Variants in THRB observed in about 807,000 individuals in gnomAD.
THRB encodes thyroid hormone receptor beta, also known as nuclear receptor subfamily 1 group A member 2.
Under a neutral mutation model 47.8 loss-of-function variants are expected in THRB, and 12 were observed. The ratio of observed to expected loss-of-function variants is 0.25; its 90% CI spans 0.16 to 0.41. The LOEUF is 0.41. THRB is among the 10% of genes least tolerant of loss of function. THRB has a pLI of 1.00. For synonymous variants in THRB, 218 were observed against 212.2 expected (o/e 1.03, Z -0.24); for missense variants, 348 against 589.2 (o/e 0.59, Z 4.24).
At position 24,365,107 on chromosome 3, in the gene THRB, A is replaced by T. The variant is rs114752436; in HGVS notation, c.-260-27736T>A. On this transcript the variant is annotated intron_variant, in intron 1 of 10. Transcript: ENST00000646209. ...CATATTTCTAAACCCTGTGTTTATAAGAAAAATCATTTACCTGCCACATGT... is the reference window on the plus strand; with the variant it reads ...CATATTTCTAAACCCTGTGTTTATATGAAAAATCATTTACCTGCCACATGT... Among the ~76,000 whole-genome samples, 900 of 152,320 alleles carry T rather than the reference A, an allele frequency of 5.9e-3. 4 individuals carry two copies. The highest frequency in any genetic ancestry group is 9.7e-3 in the Non-Finnish European group (663 of 68,024).
At chr3:24,283,286 A>C (rs1263881425) in intron 3 of THRB, among the ~76,000 whole-genome samples, 1 of 152,256 alleles carries the variant, frequency 6.6e-6, no homozygotes, top group Non-Finnish European at 1.5e-5. Flanking sequence ...AATATATGCA[A>C]ATCAATAAAC....
rs537854963 is a variant in THRB at position 24,303,577 on chromosome 3, CCT to C, written c.-188-6208_-188-6207del. ...GTGCAAGCAGGCCCAGCTGAGATCC[CCT>C]GATTCCCACTGTGAGCTACACATGT... On this transcript the variant is annotated intron_variant, in intron 2 of 10. Transcript: ENST00000646209. Among the ~76,000 whole-genome samples, 176 of 152,202 alleles carry C rather than the reference CCT, an allele frequency of 1.2e-3. 1 individual carries two copies. Among genetic ancestry groups the C allele is most frequent in the African/African-American group, 4.2e-3 (173 of 41,522 alleles).
chr3:24,162,072 G>T (rs879848378), intron 5 of THRB, among the ~76,000 whole-genome samples: 4 of 152,046 alleles, frequency 2.6e-5, no homozygotes, highest in Non-Finnish European at 5.9e-5. Context: ...CTGCAAAGCT[G>T]CCTTCAGAGC....
chr3:24,299,794 T>TTTTTTTTTTTTTTTTTTTTTTTTG lies in THRB; in HGVS notation c.-188-2424_-188-2423insCAAAAAAAAAAAAAAAAAAAAAAA, dbSNP rs2056798693. 1.6e-5 allele frequency among the ~76,000 whole-genome samples: 2 copies of TTTTTTTTTTTTTTTTTTTTTTTTG among 122,252 alleles called. 1 individual carries two copies. Among genetic ancestry groups the TTTTTTTTTTTTTTTTTTTTTTTTG allele is most frequent in the Non-Finnish European group, 3.4e-5 (2 of 59,412 alleles). 80.2% of individuals were successfully genotyped at this position (122,252 alleles called of 152,430 possible). ...TTTTATTTATTTATTTATTTATTTTTTTTTTTTTAGCAAACATACCAGAGT... is the reference window on the plus strand; with the variant it reads ...TTTTATTTATTTATTTATTTATTTTTTTTTTTTTTTTTTTTTTTTTTTTGTTTTTTTTAGCAAACATACCAGAGT... On this transcript the variant is annotated intron_variant, in intron 2 of 10. Coordinates refer to ENST00000646209, the MANE Select transcript of THRB (RefSeq NM_001354712.2).
chr3:24,225,666 C>A (rs1019864961), intron 4 of THRB, among the ~76,000 whole-genome samples: 1 of 152,160 alleles, frequency 6.6e-6, no homozygotes, highest in African/African-American at 2.4e-5. Context: ...CTACTCATAT[C>A]TTGGAACAAA....
chr3:24,286,807 T>A (rs1432057791), intron 3 of THRB, among the ~76,000 whole-genome samples: 3 of 152,178 alleles, frequency 2.0e-5, no homozygotes, highest in African/African-American at 7.2e-5. Context: ...TACCTTTATT[T>A]CTCTGAGGAG....
In THRB at chr3:24,146,782, G is replaced by A; in HGVS notation, c.425C>T (p.Ser142Phe). 1 of 1,613,874 alleles carries A rather than the reference G, an allele frequency of 6.2e-7. No individual in the cohort carries two copies. Among genetic ancestry groups the A allele is most frequent in the South Asian group, 1.1e-5 (1 of 91,074 alleles). ...TTTTCCTTCATATTTACAGGAATAG[G>A]ATGGATGGAGATTTTTCTGAATGGT... ...RRTIQKNLHP[S>F]YSCKYEGKCV... The change falls in exon 7 of 11, where the codon TCC becomes TTC. Residue 142 changes from serine (S) to phenylalanine (F), a missense_variant. Transcript: ENST00000646209.
chr3:24,469,900 A>C (rs2074429910), intron 1 of THRB, among the ~76,000 whole-genome samples: 1 of 152,258 alleles, frequency 6.6e-6, no homozygotes, highest in Admixed American at 6.5e-5. Flanking sequence ...ACAATGGAAC[A>C]ATCTGATGAA....
intron 1 of THRB, among the ~76,000 whole-genome samples, chr3:24,395,048 A>G (rs1430649649): frequency 6.6e-6 from 1 of 151,884 alleles, no homozygotes; most frequent in Admixed American, 6.6e-5. Flanking sequence ...TATTTTAAAA[A>G]CTCACTCTAG....
chr3:24,252,565 C>A (rs919923158), intron 3 of THRB, among the ~76,000 whole-genome samples: 3 of 151,232 alleles, frequency 2.0e-5, no homozygotes, highest in African/African-American at 7.3e-5. Context: ...AACTATGGCA[C>A]AAATCTAGAA....
At chr3:24,197,036 A>G (rs761647332) in intron 4 of THRB, among the ~76,000 whole-genome samples, 24 of 152,236 alleles carry the variant, frequency 1.6e-4, no homozygotes, top group Non-Finnish European at 8.8e-5. Flanking sequence ...ATACATGTAT[A>G]TAATTTTCTT....
chr3:24,127,834 G>T, intron 9 of THRB, 77 bp from the exon 10 acceptor site: 1 of 1,479,672 alleles, frequency 6.8e-7, no homozygotes, highest in Non-Finnish European at 9.4e-7. Context: ...TATCTTAAAA[G>T]CAATAGGAAT....
At chr3:24,316,720 G>C (rs1175462446) in intron 2 of THRB, among the ~76,000 whole-genome samples, 1 of 152,032 alleles carries the variant, frequency 6.6e-6, no homozygotes, top group African/African-American at 2.4e-5. Context: ...CTACTTCTCA[G>C]CTTCACATAC....
intron 4 of THRB, among the ~76,000 whole-genome samples, chr3:24,195,244 T>A (rs1457604518): frequency 6.6e-6 from 1 of 152,164 alleles, no homozygotes; most frequent in Non-Finnish European, 1.5e-5. Context: ...AGCTAGACAC[T>A]TTATCTTCAC....
chr3:24,207,211 A>C (rs2045478187), intron 4 of THRB, among the ~76,000 whole-genome samples: 1 of 152,184 alleles, frequency 6.6e-6, no homozygotes, highest in African/African-American at 2.4e-5. Flanking sequence ...ATTTTAGACC[A>C]ATATCCCTGA....
intron 5 of THRB, among the ~76,000 whole-genome samples, chr3:24,182,325 C>T (rs77616363): frequency 0.036 from 5,450 of 152,232 alleles, 143 homozygotes; most frequent in South Asian, 0.066. Context: ...AGACTGAATT[C>T]CAGTGATCAC....
chr3:24,430,169 T>A (rs1056270305), intron 1 of THRB: 11 of 152,094 alleles, frequency 7.2e-5, no homozygotes, highest in African/African-American at 1.2e-4. Context: ...AGGAACTGGC[T>A]GACCTGGGAC....
chr3:24,214,528 C>T (rs1159166645), intron 4 of THRB, among the ~76,000 whole-genome samples: 3 of 152,204 alleles, frequency 2.0e-5, no homozygotes, highest in Admixed American at 6.5e-5. Context: ...CAAAGAGCAC[C>T]GAAGGTGCCG....
At chr3:24,495,359 C>A (rs1185587973), upstream of THRB, 1 of 153,426 alleles carries the variant, frequency 6.5e-6, no homozygotes, top group East Asian at 1.9e-4. Context: ...ACAGACGCCC[C>A]CTGCCAGGCT....
Sources: gnomAD v4.1 joint callset for allele counts (sites outside exome capture counted in the v4.1 genomes callset) on GRCh38, gnomAD v4.1.1 for gene constraint, MANE v1.5 for transcripts, NCBI Gene and HGNC (gene_info 2026-07-23, HGNC 2026-07-21) for gene names.